ATP5F1C: variants seen among roughly 807,000 people sequenced by gnomAD.
The protein encoded by ATP5F1C is ATP synthase F1 subunit gamma.
In ATP5F1C, 22 loss-of-function variants were observed where a neutral mutation model predicts 37.4. The observed-to-expected ratio is 0.59, with a 90% CI of 0.42 to 0.84. The LOEUF (loss-of-function observed/expected upper bound fraction) is 0.84. Ranked by LOEUF, ATP5F1C falls within the 40% of genes least tolerant of loss-of-function variation. The pLI is 0.00. For synonymous variants in ATP5F1C, 121 were observed against 128.0 expected (o/e 0.95, Z 0.37); for missense variants, 286 against 362.4 (o/e 0.79, Z 1.71).
rs1836317756 is a variant in ATP5F1C at position 7,799,827 on chromosome 10, A to C, written c.484A>C (p.Thr162Pro). ...CAAAGAAGTGGGAAGAAAGCCCCCC[A>C]CTTTTGGAGATGCGTCAGTCATTGC... is the stretch of plus-strand genomic sequence containing the variant. ...AFKEVGRKPP[T>P]FGDASVIALE... The change falls in exon 5 of 10, where the codon ACT becomes CCT. Residue 162 changes from threonine to proline, a missense_variant. Coordinates refer to ENST00000356708, the MANE Select transcript of ATP5F1C (RefSeq NM_001001973.3). 2 of 1,614,158 alleles carry C rather than the reference A, an allele frequency of 1.2e-6. No homozygotes were observed. Among genetic ancestry groups the C allele is most frequent in the Non-Finnish European group, 1.7e-6 (2 of 1,180,018 alleles).
chr10:7,802,991 G>T, intron 8 of ATP5F1C, 137 bp downstream of exon 8: 1 of 643,436 alleles, frequency 1.6e-6, no homozygotes. Context: ...CTAACTCTTA[G>T]GCTATAAAGA....
At chr10:7,794,064 C>G (rs1018623107) in intron 1 of ATP5F1C, among the ~76,000 whole-genome samples, 3 of 152,070 alleles carry the variant, frequency 2.0e-5, no homozygotes, top group Admixed American at 6.6e-5. Flanking sequence ...ATCAAACTTG[C>G]TGAGATTCTA....
rs747653265 is a variant in ATP5F1C, at chr10:7,800,008, TTG to T, written c.573-17_573-16del. On this transcript the variant is annotated splice_polypyrimidine_tract_variant and intron_variant, in intron 5 of 9. Transcript: ENST00000356708. ...TTAAAAATTATTTTGAGATTTACAT[TTG>T]TTTTTGTCAATTCTAGGTCTGTCAT... 7 of 1,610,648 alleles carry T rather than the reference TTG, an allele frequency of 4.3e-6. No homozygotes were observed. The East Asian group carries it at 1.6e-4, about 36-fold the overall frequency.
At chr10:7,800,497 T>A (rs12356938) in intron 6 of ATP5F1C, among the ~76,000 whole-genome samples, 19,107 of 148,290 alleles carry the variant, frequency 0.13, 1,390 homozygotes, top group South Asian at 0.19. Context: ...TTTTATTTTT[T>A]TATTTTTTAT....
chr10:7,788,183 G>A lies in ATP5F1C; in HGVS notation c.-25G>A, dbSNP rs1363943319. ...CATGCGCGCTGAGGCCTGCCTGACC[G>A]ACCTTCAGCAGGGCTGTGGCTACCA... On this transcript the variant is annotated 5_prime_UTR_variant, in exon 1 of 10. Coordinates refer to ENST00000356708, the MANE Select transcript of ATP5F1C (RefSeq NM_001001973.3). 2 of 1,612,288 alleles carry A rather than the reference G, an allele frequency of 1.2e-6. No individual in the cohort carries two copies. Among genetic ancestry groups the A allele is most frequent in the Non-Finnish European group, 1.7e-6 (2 of 1,179,824 alleles).
chr10:7,797,346 G>A (rs957734814), intron 3 of ATP5F1C, among the ~76,000 whole-genome samples, 168 bp downstream of exon 3: 3 of 152,162 alleles, frequency 2.0e-5, no homozygotes, highest in African/African-American at 7.2e-5. Flanking sequence ...AACCCGTGTA[G>A]GTAGTACAGG....
chr10:7,802,195 C>T, intron 6 of ATP5F1C, 75 bp from the exon 7 acceptor site: 8 of 1,450,212 alleles, frequency 5.5e-6, no homozygotes, highest in African/African-American at 1.4e-5. Flanking sequence ...AGGAGTTTTA[C>T]ACTGAAAAGC....
rs371494616 is a variant in ATP5F1C at position 7,792,590 on chromosome 10, GC to G, written c.57-3529del. On this transcript the variant is annotated intron_variant, in intron 1 of 9. Coordinates refer to ENST00000356708, the MANE Select transcript of ATP5F1C (RefSeq NM_001001973.3). ...CTCGGCTTTTCTGGCATGTCACATA[GC>G]CAGAATCATACAGTATTTGCTTTTT... Among the ~76,000 whole-genome samples, 537 of 152,202 alleles carry G rather than the reference GC, an allele frequency of 3.5e-3. 5 individuals are homozygous for G. The highest frequency in any genetic ancestry group is 0.012 in the African/African-American group (504 of 41,522).
Position 7,805,746 on chromosome 10 carries a change from C to CA in ATP5F1C, c.891-1205dup, listed in dbSNP as rs547312025. 4.8e-3 allele frequency among the ~76,000 whole-genome samples: 433 copies of CA among 89,508 alleles called. 2 individuals carry two copies. Among genetic ancestry groups the CA allele is most frequent in the African/African-American group, 7.4e-3 (169 of 22,976 alleles). 58.7% of individuals were successfully genotyped at this position (89,508 alleles called of 152,430 possible). On this transcript the variant is annotated intron_variant, in intron 8 of 9. Coordinates refer to ENST00000356708, the MANE Select transcript of ATP5F1C (RefSeq NM_001001973.3). ...TGGGCAAAAGAGCAAGACTCCTTCT[C>CA]AAAAAAAAAAAAAAAAAAAAAAAGA...
At chr10:7,800,854 AT>A (rs760737260) in intron 6 of ATP5F1C, among the ~76,000 whole-genome samples, 4 of 152,164 alleles carry the variant, frequency 2.6e-5, no homozygotes, top group Non-Finnish European at 5.9e-5. Flanking sequence ...TAATTCAGTC[AT>A]TGTTTGATAA....
In ATP5F1C at chr10:7,799,475, A is replaced by G. The variant is rs901444019; in HGVS notation, c.428+281A>G. On this transcript the variant is annotated intron_variant, in intron 4 of 9. Transcript: ENST00000356708. ...TCAAAAGCTATCAGCATTAAGCCAA[A>G]TGAGGCATCTGAGGAGCTGTTACAG... is the stretch of plus-strand genomic sequence containing the variant. 18 of 555,090 alleles carry G rather than the reference A, an allele frequency of 3.2e-5. 1 individual carries two copies. In the Admixed American group the frequency reaches 3.7e-4, roughly 12 times the overall value. The allele number at this position is 555,090 out of a possible 1,614,324, so 34.4% of individuals were successfully genotyped here.
Position 7,797,071 on chromosome 10 carries a change from A to C in ATP5F1C, c.116A>C (p.Lys39Thr), listed in dbSNP as rs780270262. The C allele has an allele frequency of 6.2e-7, 1 of 1,614,198 alleles. No homozygotes were observed. The highest frequency in any genetic ancestry group is 2.2e-5 in the East Asian group (1 of 44,888). The change falls in exon 3 of 10, where the codon AAA becomes ACA. Residue 39 changes from lysine to threonine, a missense_variant. Coordinates refer to ENST00000356708, the MANE Select transcript of ATP5F1C (RefSeq NM_001001973.3). ...GTCACCAGGAGACTAAAGTCCATCA[A>C]AAACATCCAGAAAATTACCAAGTCT... ...KDITRRLKSI[K>T]NIQKITKSMK...
intron 1 of ATP5F1C, among the ~76,000 whole-genome samples, chr10:7,788,922 A>G (rs746267402): frequency 6.6e-6 from 1 of 151,688 alleles, no homozygotes; most frequent in Non-Finnish European, 1.5e-5. Flanking sequence ...CCTTGAAACC[A>G]CTTGCTGAAA....
At chr10:7,796,809 C>T (rs976546771) in intron 2 of ATP5F1C, 4 of 310,394 alleles carry the variant, frequency 1.3e-5, no homozygotes, top group Non-Finnish European at 1.8e-5. Context: ...TGGTCTTGAT[C>T]TCCTGACCTC....
intron 3 of ATP5F1C, among the ~76,000 whole-genome samples, chr10:7,797,437 T>G: frequency 6.6e-6 from 1 of 152,172 alleles, no homozygotes. Context: ...AGATCACATA[T>G]AAAAGGATGA....
At chr10:7,792,433 G>A (rs1032900085) in intron 1 of ATP5F1C, among the ~76,000 whole-genome samples, 8 of 152,020 alleles carry the variant, frequency 5.3e-5, no homozygotes, top group African/African-American at 1.9e-4. Context: ...ACAGTTCCAC[G>A]GATTTGGACA....
chr10:7,790,168 G>A (rs73629927), intron 1 of ATP5F1C, among the ~76,000 whole-genome samples: 3 of 152,298 alleles, frequency 2.0e-5, no homozygotes, highest in African/African-American at 7.2e-5. Flanking sequence ...AATTTGGAAG[G>A]GGAAGAAAAG....
chr10:7,796,281 C>T (rs1836235485), intron 2 of ATP5F1C, 126 bp downstream of exon 2: 1 of 798,760 alleles, frequency 1.3e-6, no homozygotes, highest in Non-Finnish European at 1.9e-6. Context: ...AATGGATTTC[C>T]ATTGTATGTT....
intron 8 of ATP5F1C, among the ~76,000 whole-genome samples, chr10:7,803,954 C>CA (rs1445920438): frequency 1.3e-5 from 2 of 152,100 alleles, no homozygotes; most frequent in African/African-American, 4.8e-5. Flanking sequence ...CTCCTGGGTT[C>CA]AAAAAGGTAA....
Sources: gnomAD v4.1 joint callset for allele counts (sites outside exome capture counted in the v4.1 genomes callset) on GRCh38, gnomAD v4.1.1 for gene constraint, MANE v1.5 for transcripts, NCBI Gene and HGNC (gene_info 2026-07-23, HGNC 2026-07-21) for gene names.